The following SPOCK1 variants were observed in gnomAD, a reference collection of about 807,000 sequenced individuals.
SPOCK1 encodes testican-1.
In SPOCK1, 23 loss-of-function variants were observed where a neutral mutation model predicts 55.3. That is an observed-to-expected ratio of 0.42 (90% CI 0.30 to 0.59). The LOEUF is 0.59. SPOCK1 is among the 20% of genes least tolerant of loss of function. The pLI is 0.22. For missense variants in SPOCK1, 499 were observed against 552.5 expected, an observed-to-expected ratio of 0.90 and a Z score of 0.97; for synonymous variants, 226 against 221.0, an observed-to-expected ratio of 1.02 and a Z score of -0.20.
intron 2 of SPOCK1, among the ~76,000 whole-genome samples, chr5:137,305,898 G>T (rs1757694237): frequency 6.6e-6 from 1 of 152,208 alleles, no homozygotes; most frequent in Non-Finnish European, 1.5e-5. Flanking sequence ...TGCATACGAT[G>T]TGCAAAAGTA....
chr5:137,211,276 T>C (rs1255417706), intron 3 of SPOCK1, among the ~76,000 whole-genome samples: 5 of 152,160 alleles, frequency 3.3e-5, no homozygotes, highest in Non-Finnish European at 7.4e-5. Flanking sequence ...CTACCACAGC[T>C]ACCCACTAGC....
At chr5:136,983,715 T>C (rs1186093975) in intron 9 of SPOCK1, among the ~76,000 whole-genome samples, 2 of 152,196 alleles carry the variant, frequency 1.3e-5, no homozygotes, top group African/African-American at 4.8e-5. Context: ...TAATAATTTG[T>C]TGATTGTTTT....
chr5:137,281,110 T>C (rs530536358), intron 2 of SPOCK1, among the ~76,000 whole-genome samples: 1 of 152,362 alleles, frequency 6.6e-6, no homozygotes, highest in Non-Finnish European at 1.5e-5. Flanking sequence ...TAAATTCATA[T>C]ATTATCTATA....
At chr5:137,437,961 T>A (rs1280836763) in intron 2 of SPOCK1, among the ~76,000 whole-genome samples, 2 of 152,212 alleles carry the variant, frequency 1.3e-5, no homozygotes, top group African/African-American at 4.8e-5. Flanking sequence ...AATTTCTGTT[T>A]CTGTGATTCT....
chr5:137,067,616 C>T, intron 6 of SPOCK1, 99 bp downstream of exon 6: 2 of 997,830 alleles, frequency 2.0e-6, no homozygotes, highest in South Asian at 1.5e-5. Flanking sequence ...GCTCATTTCT[C>T]CAGTTTGTTC....
intron 5 of SPOCK1, among the ~76,000 whole-genome samples, chr5:137,069,684 C>T (rs927570487): frequency 4.6e-5 from 7 of 152,296 alleles, no homozygotes; most frequent in African/African-American, 9.6e-5. Flanking sequence ...TGCCCAGAGC[C>T]GGACACAGCT....
intron 3 of SPOCK1, among the ~76,000 whole-genome samples, chr5:137,173,133 C>A (rs1561635956): frequency 6.6e-6 from 1 of 152,144 alleles, no homozygotes; most frequent in African/African-American, 2.4e-5. Context: ...CCAGATATTT[C>A]TTTTACCTGA....
intron 2 of SPOCK1, among the ~76,000 whole-genome samples, chr5:137,489,117 C>T (rs114038646): frequency 0.012 from 1,781 of 152,242 alleles, 33 homozygotes; most frequent in African/African-American, 0.04. Flanking sequence ...ACCATTATCC[C>T]CATGTCTGTC....
At chr5:137,121,511 A>C (rs1395016028) in intron 4 of SPOCK1, among the ~76,000 whole-genome samples, 1 of 150,716 alleles carries the variant, frequency 6.6e-6, no homozygotes, top group Non-Finnish European at 1.5e-5. Context: ...TTGGAACATT[A>C]CTTGAATCAA....
At chr5:137,307,730 C>T (rs528848673) in intron 2 of SPOCK1, among the ~76,000 whole-genome samples, 61 of 152,242 alleles carry the variant, frequency 4.0e-4, no homozygotes, top group African/African-American at 1.3e-3. Context: ...GATGGACTGC[C>T]CTGCAGTTGT....
intron 2 of SPOCK1, among the ~76,000 whole-genome samples, chr5:137,427,509 G>C (rs1376758721): frequency 6.6e-6 from 1 of 152,152 alleles, no homozygotes; most frequent in Non-Finnish European, 1.5e-5. Flanking sequence ...GGTGCATCCA[G>C]AATCCCCCAT....
intron 3 of SPOCK1, among the ~76,000 whole-genome samples, chr5:137,207,726 T>C (rs1454873836): frequency 6.6e-6 from 1 of 152,130 alleles, no homozygotes; most frequent in African/African-American, 2.4e-5. Context: ...TAGATGCTTC[T>C]GGGGTGCTGG....
At chr5:137,137,856 G>A (rs76451994) in intron 4 of SPOCK1, among the ~76,000 whole-genome samples, 6,616 of 152,240 alleles carry the variant, frequency 0.043, 486 homozygotes, top group African/African-American at 0.15. Flanking sequence ...CCGAAATGAA[G>A]TAGATAATAA....
intron 2 of SPOCK1, among the ~76,000 whole-genome samples, chr5:137,436,389 C>A (rs898413969): frequency 2.0e-5 from 3 of 152,036 alleles, no homozygotes; most frequent in Admixed American, 6.5e-5. Flanking sequence ...TTAAATAATT[C>A]ATCCTTTCCC....
At chr5:137,125,966 C>T (rs1055847695) in intron 4 of SPOCK1, among the ~76,000 whole-genome samples, 2 of 152,130 alleles carry the variant, frequency 1.3e-5, no homozygotes, top group Non-Finnish European at 2.9e-5. Flanking sequence ...CCTAAGTAAT[C>T]CTGAACACAA....
chr5:137,356,454 C>T (rs1456993009), intron 2 of SPOCK1, among the ~76,000 whole-genome samples: 1 of 151,904 alleles, frequency 6.6e-6, no homozygotes, highest in African/African-American at 2.4e-5. Flanking sequence ...TTGCTGTTGT[C>T]ATTTTATTTG....
At chr5:137,175,552 C>T (rs1754838040) in intron 3 of SPOCK1, among the ~76,000 whole-genome samples, 1 of 152,190 alleles carries the variant, frequency 6.6e-6, no homozygotes, top group Non-Finnish European at 1.5e-5. Context: ...GTCAATATAG[C>T]TTACTAGTTA....
intron 3 of SPOCK1, among the ~76,000 whole-genome samples, chr5:137,171,392 T>C (rs1171122170): frequency 6.6e-6 from 1 of 152,132 alleles, no homozygotes; most frequent in Non-Finnish European, 1.5e-5. Context: ...ATGGGCCTGA[T>C]ACAGAGCTGG....
intron 2 of SPOCK1, among the ~76,000 whole-genome samples, chr5:137,353,337 C>T (rs1750722463): frequency 6.6e-6 from 1 of 152,168 alleles, no homozygotes; most frequent in Non-Finnish European, 1.5e-5. Context: ...GCAGAGATCA[C>T]ATAACTGCAC....
Sources: allele counts gnomAD v4.1 joint callset (sites outside exome capture counted in the v4.1 genomes callset), GRCh38; gene constraint gnomAD v4.1.1; transcripts MANE v1.5; gene names NCBI Gene and HGNC (gene_info 2026-07-23, HGNC 2026-07-21).